Variants in AKAP13 observed in about 807,000 individuals in gnomAD.
AKAP13 encodes the protein A-kinase anchoring protein 13.
Under a neutral mutation model 264.5 loss-of-function variants are expected in AKAP13, and 80 were observed. That is an observed-to-expected ratio of 0.30 (90% CI 0.25 to 0.36). The LOEUF (loss-of-function observed/expected upper bound fraction) is 0.36. AKAP13 is among the 10% of genes least tolerant of loss of function. AKAP13 has a pLI of 1.00. For synonymous variants in AKAP13, 1,380 were observed against 1,250.2 expected (o/e 1.10, Z -2.19); for missense variants, 3,712 against 3,435.2 (o/e 1.08, Z -2.01).
chr15:85,413,606 A>G (rs2072088537), intron 1 of AKAP13, among the ~76,000 whole-genome samples: 1 of 152,204 alleles, frequency 6.6e-6, no homozygotes, highest in African/African-American at 2.4e-5. Flanking sequence ...AAAAGCAAAC[A>G]TGAAAGTAGA....
At chr15:85,615,648 A>T (rs2080903419) in intron 8 of AKAP13, among the ~76,000 whole-genome samples, 2 of 152,216 alleles carry the variant, frequency 1.3e-5, no homozygotes, top group South Asian at 4.1e-4. Flanking sequence ...TGACTGTGGT[A>T]AACTTTTCCT....
chr15:85,483,316 C>T (rs1183771277), intron 1 of AKAP13, among the ~76,000 whole-genome samples: 2 of 152,188 alleles, frequency 1.3e-5, no homozygotes, highest in Non-Finnish European at 2.9e-5. Context: ...TGTGGCCCAA[C>T]ACAAATTCGT....
At chr15:85,736,679 T>C (rs1298257004) in intron 33 of AKAP13, among the ~76,000 whole-genome samples, 2 of 152,160 alleles carry the variant, frequency 1.3e-5, no homozygotes, top group African/African-American at 4.8e-5. Flanking sequence ...ATGACAGACA[T>C]AAGCCATCTT....
rs867496114 is a variant in AKAP13 at position 85,626,061 on chromosome 15, C to A, written c.4162-13313C>A. ...CAGGATGTGGTTGAAAATGCTGATA[C>A]ATGTTTTGACATTCTTTCCACACAC... On this transcript the variant is annotated intron_variant, in intron 8 of 36. Coordinates refer to ENST00000394518, the MANE Select transcript of AKAP13 (RefSeq NM_007200.5). 2.6e-5 allele frequency among the ~76,000 whole-genome samples: 4 copies of A among 152,330 alleles called. 1 individual carries two copies.
chr15:85,415,677 A>T, intron 1 of AKAP13: 1 of 1,100,308 alleles, frequency 9.1e-7, no homozygotes, highest in Non-Finnish European at 1.4e-6. Context: ...TAAGAGAATG[A>T]CCAAGCTCAG....
intron 12 of AKAP13, among the ~76,000 whole-genome samples, chr15:85,659,919 ATAT>A (rs923096946): frequency 3.9e-5 from 6 of 152,356 alleles, no homozygotes; most frequent in South Asian, 2.1e-4. Context: ...GAACTACTAA[ATAT>A]TATCCCTACT....
rs1243439782 is a variant in AKAP13 at position 85,718,900 on chromosome 15, AAAAAAAAAC to A, written c.6002-168_6002-160del. On this transcript the variant is annotated intron_variant, in intron 22 of 36. Coordinates refer to ENST00000394518, the MANE Select transcript of AKAP13 (RefSeq NM_007200.5). This position sits in a 1 kb window ranked among gnomAD's most constrained non-coding sequence, Gnocchi z 4.9. ...GGTGACAGAGCCAGAACCTGTCTTA[AAAAAAAAAC>A]AAAAAAACAAAAAAACGAGAACACT... 8 of 847,454 alleles carry A rather than the reference AAAAAAAAAC, an allele frequency of 9.4e-6. No homozygotes were observed. The East Asian group carries it at 1.5e-4, about 16-fold the overall frequency. 52.5% of individuals were successfully genotyped at this position (847,454 alleles called of 1,614,324 possible). A position where few individuals can be genotyped will look rare whatever the true frequency, so the allele number is the denominator to read the frequency against.
At chr15:85,575,561 G>A (rs1035558839) in intron 6 of AKAP13, among the ~76,000 whole-genome samples, 15 of 152,094 alleles carry the variant, frequency 9.9e-5, no homozygotes, top group African/African-American at 2.4e-4. Flanking sequence ...GCCTGGTGGC[G>A]GGCGCCTGTA....
At chr15:85,512,813 T>G (rs570850458) in intron 2 of AKAP13, among the ~76,000 whole-genome samples, 95 of 145,860 alleles carry the variant, frequency 6.5e-4, no homozygotes, top group Non-Finnish European at 1.0e-3. Flanking sequence ...TTGACTATTT[T>G]TATGTATGTA....
chr15:85,738,413 G>A (rs543603968), intron 33 of AKAP13, among the ~76,000 whole-genome samples: 223 of 152,006 alleles, frequency 1.5e-3, no homozygotes, highest in Non-Finnish European at 2.6e-3. Flanking sequence ...AAAGAATAAG[G>A]GGTAAAAAAT....
intron 1 of AKAP13, among the ~76,000 whole-genome samples, chr15:85,407,548 G>A (rs988047462): frequency 5.9e-5 from 9 of 151,772 alleles, no homozygotes; most frequent in African/African-American, 1.9e-4. Context: ...CCTGTGCTGG[G>A]TCTTAAAGCA....
intron 29 of AKAP13, among the ~76,000 whole-genome samples, chr15:85,729,897 G>T (rs910597894): frequency 4.0e-5 from 6 of 151,884 alleles, no homozygotes; most frequent in Non-Finnish European, 5.9e-5. Flanking sequence ...TGAGCCAAGA[G>T]TGCACCATTG....
At chr15:85,710,037 C>T (rs965054406) in intron 18 of AKAP13, among the ~76,000 whole-genome samples, 1 of 152,140 alleles carries the variant, frequency 6.6e-6, no homozygotes, top group Non-Finnish European at 1.5e-5. Context: ...AATGATTTAT[C>T]TCAGATTAAT....
chr15:85,580,883 G>A lies in AKAP13; in HGVS notation c.2815G>A (p.Glu939Lys). The A allele has an allele frequency of 6.2e-7, 1 of 1,614,148 alleles. No homozygotes were observed. The highest frequency in any genetic ancestry group is 8.5e-7 in the Non-Finnish European group (1 of 1,180,034). The change falls in exon 7 of 37, where the codon GAA becomes AAA. Residue 939 changes from glutamate (E) to lysine (K), a missense_variant. Coordinates refer to ENST00000394518, the MANE Select transcript of AKAP13 (RefSeq NM_007200.5). Reference sequence around the variant, plus strand: ...AGCGGTGACCTGTTCCTCTATTAAGGAAAATGCTCTCTCTTCAGGAACTTT... The same window carrying A: ...AGCGGTGACCTGTTCCTCTATTAAGAAAAATGCTCTCTCTTCAGGAACTTT... ...DKAVTCSSIK[E>K]NALSSGTLQE...
At position 85,733,873 on chromosome 15, in the gene AKAP13, C is replaced by CTTTTTTTTTTT. The variant is rs72092500; in HGVS notation, c.7283-1108_7283-1098dup. Among the ~76,000 whole-genome samples, 94 of 82,578 alleles carry CTTTTTTTTTTT rather than the reference C, an allele frequency of 1.1e-3. 2 individuals carry two copies. Among genetic ancestry groups the CTTTTTTTTTTT allele is most frequent in the Non-Finnish European group, 1.6e-3 (70 of 43,338 alleles). 54.2% of individuals were successfully genotyped at this position (82,578 alleles called of 152,430 possible). A position where few individuals can be genotyped will look rare whatever the true frequency, so the allele number is the denominator to read the frequency against. On this transcript the variant is annotated intron_variant, in intron 30 of 36. Transcript: ENST00000394518. ...TTTGTCATTTTCTTTTCTTTCTTTTCTTTTTTTTTTTTTTTTTTTTTGAGA... is the reference window on the plus strand; with the variant it reads ...TTTGTCATTTTCTTTTCTTTCTTTTCTTTTTTTTTTTTTTTTTTTTTTTTTTTTTTTTGAGA...
intron 1 of AKAP13, among the ~76,000 whole-genome samples, chr15:85,484,525 C>T (rs1324942182): frequency 6.6e-6 from 1 of 152,182 alleles, no homozygotes; most frequent in African/African-American, 2.4e-5. Flanking sequence ...TTTTCTACTG[C>T]GTTGTCCAGC....
At chr15:85,575,867 T>C (rs934755155) in intron 6 of AKAP13, among the ~76,000 whole-genome samples, 3 of 152,116 alleles carry the variant, frequency 2.0e-5, no homozygotes, top group African/African-American at 7.2e-5. Flanking sequence ...ACGCCTATAG[T>C]CCCAGCTACT....
At chr15:85,381,185 G>C (rs940914595) in intron 1 of AKAP13, among the ~76,000 whole-genome samples, 12 of 152,116 alleles carry the variant, frequency 7.9e-5, no homozygotes, top group Non-Finnish European at 1.6e-4. Context: ...GGCGCCGCCG[G>C]GGCGGGCTCA....
At chr15:85,400,270 G>GGC (rs2071359697) in intron 1 of AKAP13, among the ~76,000 whole-genome samples, 1 of 152,084 alleles carries the variant, frequency 6.6e-6, no homozygotes, top group Non-Finnish European at 1.5e-5. Context: ...AAATTAGCTG[G>GGC]GTGGTGATGC....
Sources: allele counts gnomAD v4.1 joint callset (sites outside exome capture counted in the v4.1 genomes callset), GRCh38; gene constraint gnomAD v4.1.1; non-coding constraint Gnocchi (gnomAD v3.1); transcripts MANE v1.5; gene names NCBI Gene and HGNC (gene_info 2026-07-23, HGNC 2026-07-21).